GOLGA4: variants seen among roughly 807,000 people sequenced by gnomAD.
The protein encoded by GOLGA4 is golgin A4.
GOLGA4 carries 169 observed loss-of-function variants against 265.9 expected under a neutral mutation model. The ratio of observed to expected loss-of-function variants is 0.64; its 90% CI spans 0.56 to 0.72. The LOEUF is 0.72. GOLGA4 is among the 30% of genes least tolerant of loss of function. The pLI, the probability that GOLGA4 is intolerant of heterozygous loss-of-function variation, is 0.00. For missense variants in GOLGA4, 2,482 were observed against 2,483.4 expected (o/e 1.00, Z 0.01); for synonymous variants, 923 against 855.8 (o/e 1.08, Z -1.37).
At chr3:37,360,220 A>G (rs1016020587) in intron 22 of GOLGA4, among the ~76,000 whole-genome samples, 5 of 152,092 alleles carry the variant, frequency 3.3e-5, no homozygotes, top group African/African-American at 7.2e-5. Flanking sequence ...CCTTATTACA[A>G]ATTGGTCTCA....
intron 17 of GOLGA4, 40 bp downstream of exon 17, chr3:37,335,206 A>G (rs763776626): frequency 3.9e-6 from 4 of 1,035,930 alleles, no homozygotes; most frequent in Non-Finnish European, 5.9e-6. Context: ...TTTCTTGAAA[A>G]CATTGTCATT....
In GOLGA4 at chr3:37,284,482, G is replaced by A. The variant is rs1337603270; in HGVS notation, c.478-1532G>A. Among the ~76,000 whole-genome samples, 4 of 152,066 alleles carry A rather than the reference G, an allele frequency of 2.6e-5. No individual in the cohort carries two copies. The South Asian group carries it at 6.2e-4, about 24-fold the overall frequency. On this transcript the variant is annotated intron_variant, in intron 3 of 23. Coordinates refer to ENST00000361924, the MANE Select transcript of GOLGA4 (RefSeq NM_002078.5). ...TTGGCCAGGCTGGTCTTGAACTCTT[G>A]ACCTTGTCATCTGCCCACCTTGGCC...
intron 16 of GOLGA4, among the ~76,000 whole-genome samples, chr3:37,332,740 T>TA (rs1268037416): frequency 6.6e-6 from 1 of 152,148 alleles, no homozygotes; most frequent in Non-Finnish European, 1.5e-5. Flanking sequence ...AGTGTTTCAT[T>TA]ATGTAAACAA....
Position 37,323,700 on chromosome 3 carries a change from T to C in GOLGA4, c.1814T>C (p.Ile605Thr), listed in dbSNP as rs562829459. Residue 605 changes from isoleucine (I) to threonine (T), a missense_variant, in exon 14 of 24, where the codon ATT (isoleucine) becomes ACT (threonine). By Grantham distance (89) the Ile-to-Thr change is moderately conservative. Around this residue, in one of 3 missense-constraint regions of GOLGA4, gnomAD observed 1,536 missense variants for 1,483.7 expected, o/e 1.04. Transcript: ENST00000361924. Reference sequence around the variant, plus strand: ...GAAAAAAATAAGCACAATAAGGAGATTACAGTCATGGTTGAAAAACACAAG... The same window carrying C: ...GAAAAAAATAAGCACAATAAGGAGACTACAGTCATGGTTGAAAAACACAAG... ...EAEKNKHNKE[I>T]TVMVEKHKTE... The C allele has an allele frequency of 6.2e-7, 1 of 1,613,538 alleles. No homozygotes were observed. The highest frequency in any genetic ancestry group is 2.2e-5 in the East Asian group (1 of 44,854).
At chr3:37,286,114 T>TCTTA (rs2096847908) in intron 4 of GOLGA4, 53 bp downstream of exon 4, 4 of 718,404 alleles carry the variant, frequency 5.6e-6, no homozygotes, top group Non-Finnish European at 9.9e-6. Flanking sequence ...ATCAGAAAGA[T>TCTTA]CTTATATAGT....
chr3:37,298,948 A>G lies in GOLGA4; in HGVS notation c.930A>G (p.Thr310=). The G allele has an allele frequency of 6.2e-7, 1 of 1,610,744 alleles. No homozygotes were observed. Among genetic ancestry groups the G allele is most frequent in the Non-Finnish European group, 8.5e-7 (1 of 1,178,712 alleles). The change falls in exon 8 of 24, where the codon ACA becomes ACG. Residue 310 remains threonine, a synonymous_variant. Transcript: ENST00000361924. ...ETIQSHKEQC[T]LLTSEKEALQ... ...TTCAGTCACATAAGGAACAATGTAC[A>G]CTATTAACTAGTGAAAAAGAAGCTC...
chr3:37,266,968 C>T, intron 2 of GOLGA4: 2 of 1,056,534 alleles, frequency 1.9e-6, no homozygotes, highest in Non-Finnish European at 2.6e-6. Context: ...TTTCTGCATT[C>T]CCTTTGTGGG....
intron 11 of GOLGA4, among the ~76,000 whole-genome samples, chr3:37,316,380 A>G (rs981770918): frequency 3.3e-5 from 5 of 152,110 alleles, no homozygotes; most frequent in Non-Finnish European, 5.9e-5. Context: ...CAGAGTTTCA[A>G]TATGCATTTC....
Position 37,326,492 on chromosome 3 carries a change from CA to C in GOLGA4, c.4607del (p.Gln1536ArgfsTer6), listed in dbSNP as rs1469962503. Reference sequence around the variant, plus strand: ...TATGGAATTAGAGGACCATATTACCCAGAAAACTATTGAAATAGAGTCCTTA... The same window carrying C: ...TATGGAATTAGAGGACCATATTACCCGAAAACTATTGAAATAGAGTCCTTA... ...RIMELEDHIT[Q>X]KTIEIESLNE... is the part of the protein sequence containing the mutation. On this transcript the variant is annotated frameshift_variant, in exon 14 of 24. Coordinates refer to ENST00000361924, the MANE Select transcript of GOLGA4 (RefSeq NM_002078.5). LOFTEE classifies it high-confidence loss of function. 1 of 1,607,528 alleles carries C rather than the reference CA, an allele frequency of 6.2e-7. No individual in the cohort carries two copies. Among genetic ancestry groups the C allele is most frequent in the Non-Finnish European group, 8.5e-7 (1 of 1,177,114 alleles).
Position 37,296,222 on chromosome 3 carries a change from A to C in GOLGA4, c.814+3A>C. 1 of 1,613,892 alleles carries C rather than the reference A, an allele frequency of 6.2e-7. No homozygotes were observed. Among genetic ancestry groups the C allele is most frequent in the Non-Finnish European group, 8.5e-7 (1 of 1,179,826 alleles). On this transcript the variant is annotated splice_donor_region_variant and intron_variant, in intron 7 of 23. Transcript: ENST00000361924. ...AGAAAGTGATGGAGAGCCAGTAGGT[A>C]AGCTTCATTTTGTCAAAAGGTTAAT...
intron 2 of GOLGA4, among the ~76,000 whole-genome samples, chr3:37,270,430 C>A (rs1049159808): frequency 2.0e-5 from 3 of 152,124 alleles, no homozygotes; most frequent in Non-Finnish European, 4.4e-5. Context: ...ATTGGCCAGG[C>A]TGGTCTCGAA....
intron 2 of GOLGA4, among the ~76,000 whole-genome samples, chr3:37,257,553 A>G (rs1335083088): frequency 6.6e-6 from 1 of 152,002 alleles, no homozygotes; most frequent in African/African-American, 2.4e-5. Context: ...GGTGCTAACT[A>G]AGTTATTAGG....
At chr3:37,276,208 T>C in intron 2 of GOLGA4, 1 of 1,574,116 alleles carries the variant, frequency 6.4e-7, no homozygotes, top group Non-Finnish European at 8.7e-7. Flanking sequence ...GATCTCAAAT[T>C]GAAGAAGCTA....
chr3:37,342,978 C>T (rs1185506043), intron 20 of GOLGA4, among the ~76,000 whole-genome samples: 1 of 152,230 alleles, frequency 6.6e-6, no homozygotes, highest in Non-Finnish European at 1.5e-5. Flanking sequence ...CAGCTCTCTG[C>T]AACCTCCACT....
In GOLGA4 at chr3:37,327,481, A is replaced by G. The variant is rs1433520692; in HGVS notation, c.5595A>G (p.Arg1865=). ...KIKELDSCLV[R]QKEVHRVEME... is the part of the protein sequence containing the mutation. ...AAGAGCTGGATTCCTGCTTAGTAAGACAGAAAGAAGTACATAGAGTTGAAA... is the reference window on the plus strand; with the variant it reads ...AAGAGCTGGATTCCTGCTTAGTAAGGCAGAAAGAAGTACATAGAGTTGAAA... The change falls in exon 14 of 24, where the codon AGA becomes AGG. Residue 1865 remains arginine (R), a synonymous_variant. Coordinates refer to ENST00000361924, the MANE Select transcript of GOLGA4 (RefSeq NM_002078.5). The G allele has an allele frequency of 8.7e-6, 14 of 1,613,332 alleles. No homozygotes were observed. Among genetic ancestry groups the G allele is most frequent in the Non-Finnish European group, 1.2e-5 (14 of 1,179,660 alleles).
chr3:37,248,345 A>G (rs1163270589), intron 1 of GOLGA4, among the ~76,000 whole-genome samples: 4 of 152,202 alleles, frequency 2.6e-5, no homozygotes, highest in African/African-American at 7.2e-5. Context: ...GGGCAATAAA[A>G]TATTAATTGT....
At chr3:37,304,817 C>G (rs2096901807) in intron 10 of GOLGA4, among the ~76,000 whole-genome samples, 1 of 152,024 alleles carries the variant, frequency 6.6e-6, no homozygotes, top group South Asian at 2.1e-4. Context: ...GCTTGCTTCT[C>G]CAAAACACAG....
rs779975681 is a variant in GOLGA4 at position 37,302,209 on chromosome 3, C to G, written c.1111C>G (p.Arg371Gly). Residue 371 changes from arginine (R) to glycine (G), a missense_variant, in exon 10 of 24, where the codon CGT becomes GGT. Physicochemically the swap from Arg to Gly is moderately radical, Grantham distance 125. This residue lies in a region of GOLGA4 where 1,536 missense variants were observed against 1,483.7 expected (regional missense o/e 1.04). Transcript: ENST00000361924. ...DKGMVIAETKRQMHETLEMKE... is the reference protein window; with the variant it reads ...DKGMVIAETKGQMHETLEMKE... ...GGGAATGGTAATCGCAGAGACAAAA[C>G]GTCAGATGCATGAAACCCTGGAAAT... 6.2e-7 allele frequency: 1 copy of G among 1,613,248 alleles called. No individual in the cohort carries two copies. Among genetic ancestry groups the G allele is most frequent in the Non-Finnish European group, 8.5e-7 (1 of 1,179,366 alleles).
At position 37,337,169 on chromosome 3, in the gene GOLGA4, G is replaced by T; in HGVS notation, c.6327+6G>T. ...TAACAATTATGGAGCTACAGGTAAG[G>T]CTAGTTCTTCTTTTTTTTTTTTTCT... On this transcript the variant is annotated splice_donor_region_variant and intron_variant, in intron 18 of 23. Coordinates refer to ENST00000361924, the MANE Select transcript of GOLGA4 (RefSeq NM_002078.5). 7.0e-7 allele frequency: 1 copy of T among 1,420,254 alleles called. No individual in the cohort carries two copies. Among genetic ancestry groups the T allele is most frequent in the African/African-American group, 1.4e-5 (1 of 69,784 alleles). 88.0% of individuals were successfully genotyped at this position (1,420,254 alleles called of 1,614,324 possible).
Sources: allele counts gnomAD v4.1 joint callset (sites outside exome capture counted in the v4.1 genomes callset), GRCh38; gene constraint gnomAD v4.1.1; regional missense constraint gnomAD v4.1.1; transcripts MANE v1.5; gene names NCBI Gene and HGNC (gene_info 2026-07-23, HGNC 2026-07-21).